The following VWC2 variants were observed in gnomAD, a reference collection of about 807,000 sequenced individuals.
VWC2 encodes the protein brorin.
A neutral mutation model predicts 29.8 loss-of-function variants in VWC2; 14 were observed. The observed-to-expected ratio is 0.47, with a 90% CI of 0.31 to 0.74. The LOEUF (loss-of-function observed/expected upper bound fraction) is 0.74, where lower values mean the gene tolerates loss of function less well. Ranked by LOEUF, VWC2 falls within the 30% of genes least tolerant of loss-of-function variation. The pLI is 0.05. For synonymous variants in VWC2, 213 were observed against 199.0 expected, an observed-to-expected ratio of 1.07 and a Z score of -0.59; for missense variants, 457 against 459.8, an observed-to-expected ratio of 0.99 and a Z score of 0.05.
intron 3 of VWC2, among the ~76,000 whole-genome samples, chr7:49,860,102 A>C (rs1287504695): frequency 6.6e-6 from 1 of 152,030 alleles, no homozygotes; most frequent in Admixed American, 6.6e-5. Flanking sequence ...TAATTGTGGC[A>C]AAAAAATGAC....
intron 3 of VWC2, among the ~76,000 whole-genome samples, chr7:49,856,870 G>A (rs186820803): frequency 0.035 from 5,311 of 151,872 alleles, 247 homozygotes; most frequent in South Asian, 0.12. Context: ...TTAGCTGGGC[G>A]TGGTGGCGGG....
At chr7:49,907,281 G>A (rs1458779726) in intron 3 of VWC2, among the ~76,000 whole-genome samples, 1 of 152,186 alleles carries the variant, frequency 6.6e-6, no homozygotes, top group Admixed American at 6.5e-5. Context: ...TAGGAATGAA[G>A]TGGAGAGGAT....
At chr7:49,833,531 G>A (rs969150907) in intron 3 of VWC2, among the ~76,000 whole-genome samples, 22 of 152,184 alleles carry the variant, frequency 1.4e-4, no homozygotes, top group African/African-American at 5.3e-4. Context: ...ATGAGATAAA[G>A]GAGCAAGGTG....
chr7:49,826,411 A>C (rs1789392785), intron 3 of VWC2, among the ~76,000 whole-genome samples: 2 of 152,206 alleles, frequency 1.3e-5, no homozygotes, highest in African/African-American at 2.4e-5. Flanking sequence ...CCCTCAAAAA[A>C]ACTAGTGGAC....
At chr7:49,785,948 G>C (rs1449575406) in intron 2 of VWC2, among the ~76,000 whole-genome samples, 1 of 152,304 alleles carries the variant, frequency 6.6e-6, no homozygotes, top group East Asian at 1.9e-4. Context: ...AAACTTAACT[G>C]TTTACTAAGC....
chr7:49,818,140 A>G (rs1317937700), intron 3 of VWC2, among the ~76,000 whole-genome samples: 1 of 152,216 alleles, frequency 6.6e-6, no homozygotes, highest in Non-Finnish European at 1.5e-5. Context: ...ATGGATGGCA[A>G]TTGAAAGAAG....
intron 3 of VWC2, among the ~76,000 whole-genome samples, chr7:49,889,560 C>T (rs376772869): frequency 3.3e-5 from 5 of 152,150 alleles, no homozygotes; most frequent in Middle Eastern, 3.4e-3. Context: ...TGGTCAAAGG[C>T]GAGGATGAAA....
intron 3 of VWC2, among the ~76,000 whole-genome samples, chr7:49,825,695 G>C (rs79587189): frequency 6.6e-6 from 1 of 152,196 alleles, no homozygotes; most frequent in African/African-American, 2.4e-5. Flanking sequence ...AATCCCAGCT[G>C]TAAGGCTTTG....
chr7:49,821,434 A>T (rs922651871), intron 3 of VWC2, among the ~76,000 whole-genome samples: 1 of 152,272 alleles, frequency 6.6e-6, no homozygotes, highest in African/African-American at 2.4e-5. Flanking sequence ...CATTGATAGC[A>T]GATGAGAATT....
Position 49,775,573 on chromosome 7 carries a change from G to A in VWC2, c.138G>A (p.Glu46=), listed in dbSNP as rs749075269. 5.2e-6 allele frequency: 8 copies of A among 1,542,504 alleles called. No individual in the cohort carries two copies. Among genetic ancestry groups the A allele is most frequent in the African/African-American group, 2.8e-5 (2 of 71,342 alleles). The part of the protein sequence containing the change: ...LAQAPEQPGQ[E]KREHASRDGP... ...AGGCACCAGAGCAGCCGGGCCAGGA[G>A]AAGCGTGAGCACGCCTCTCGGGACG... The change falls in exon 2 of 4, where the codon GAG becomes GAA. Residue 46 remains glutamate (E), a synonymous_variant. Transcript: ENST00000340652.
chr7:49,857,564 A>G (rs1218807802), intron 3 of VWC2, among the ~76,000 whole-genome samples: 1 of 152,206 alleles, frequency 6.6e-6, no homozygotes, highest in African/African-American at 2.4e-5. Context: ...AACATTGCTA[A>G]TCATCAGGGA....
intron 3 of VWC2, among the ~76,000 whole-genome samples, chr7:49,804,370 G>T (rs901786162): frequency 3.9e-5 from 6 of 152,116 alleles, no homozygotes; most frequent in Non-Finnish European, 7.4e-5. Context: ...GCCCGAGTGA[G>T]CGCCTCTGGT....
intron 3 of VWC2, among the ~76,000 whole-genome samples, chr7:49,846,486 G>T (rs1789950956): frequency 6.6e-6 from 1 of 152,082 alleles, no homozygotes; most frequent in East Asian, 1.9e-4. Context: ...GCCTTTTTCT[G>T]TGCTTGGAGT....
intron 3 of VWC2, among the ~76,000 whole-genome samples, chr7:49,897,606 C>A (rs1792454070): frequency 6.6e-6 from 1 of 152,180 alleles, no homozygotes; most frequent in Non-Finnish European, 1.5e-5. Context: ...CTTCTTGGAT[C>A]CCTCAGAGGT....
chr7:49,819,604 A>G (rs990558384), intron 3 of VWC2, among the ~76,000 whole-genome samples: 1 of 152,262 alleles, frequency 6.6e-6, no homozygotes, highest in Non-Finnish European at 1.5e-5. Context: ...ATTCACATGT[A>G]TATTTCATAC....
intron 3 of VWC2, among the ~76,000 whole-genome samples, chr7:49,847,928 T>G (rs1790012622): frequency 1.3e-5 from 2 of 152,144 alleles, no homozygotes; most frequent in Non-Finnish European, 2.9e-5. Context: ...TCTCCTGGAA[T>G]GGGTTAGCAC....
rs545775127 is a variant in VWC2 at position 49,825,143 on chromosome 7, T to C, written c.826+22303T>C. Among the ~76,000 whole-genome samples the C allele has an allele frequency of 2.6e-5, 4 of 152,328 alleles. No homozygotes were observed. In the East Asian group the frequency reaches 7.7e-4, roughly 29 times the overall value. On this transcript the variant is annotated intron_variant, in intron 3 of 3. Coordinates refer to ENST00000340652, the MANE Select transcript of VWC2 (RefSeq NM_198570.5). ...CCTCTATAATCATCTGTTGAGTTAATTTAATGAGTTTTTCATTTCAGTTAT... is the reference window on the plus strand; with the variant it reads ...CCTCTATAATCATCTGTTGAGTTAACTTAATGAGTTTTTCATTTCAGTTAT...
rs1472622023 is a variant in VWC2, at chr7:49,877,503, T to C, written c.827-34531T>C. Among the ~76,000 whole-genome samples the C allele has an allele frequency of 2.3e-4, 22 of 93,678 alleles. 3 individuals are homozygous for C. The highest frequency in any genetic ancestry group is 3.9e-4 in the East Asian group (1 of 2,594). 61.5% of individuals were successfully genotyped at this position (93,678 alleles called of 152,430 possible). On this transcript the variant is annotated intron_variant, in intron 3 of 3. Coordinates refer to ENST00000340652, the MANE Select transcript of VWC2 (RefSeq NM_198570.5). The stretch of plus-strand genomic sequence containing the variant: ...AAAAATATATATATATATATATATA[T>C]ATATATATATATATAGTTATTTGGT...
chr7:49,895,877 T>C (rs1355368729), intron 3 of VWC2, among the ~76,000 whole-genome samples: 1 of 152,194 alleles, frequency 6.6e-6, no homozygotes, highest in Non-Finnish European at 1.5e-5. Context: ...GTTACTTGCA[T>C]TGAGTAATTA....
Sources: allele counts gnomAD v4.1 joint callset (sites outside exome capture counted in the v4.1 genomes callset), GRCh38; gene constraint gnomAD v4.1.1; transcripts MANE v1.5; gene names NCBI Gene and HGNC (gene_info 2026-07-23, HGNC 2026-07-21).